The following PHLPP1 variants were observed in gnomAD, a reference collection of about 807,000 sequenced individuals.
PHLPP1 encodes PH domain leucine-rich repeat-containing protein phosphatase 1.
Under a neutral mutation model 117.2 loss-of-function variants are expected in PHLPP1, and 42 were observed. The observed-to-expected ratio is 0.36, with a 90% CI of 0.28 to 0.46. The LOEUF is 0.46. PHLPP1 is among the 20% of genes least tolerant of loss of function. The pLI is 1.00. For synonymous variants in PHLPP1, 1,042 were observed against 970.7 expected, an observed-to-expected ratio of 1.07 and a Z score of -1.37; for missense variants, 2,084 against 2,241.9, an observed-to-expected ratio of 0.93 and a Z score of 1.42.
chr18:62,839,413 T>G (rs1238667952), intron 3 of PHLPP1: 3 of 154,714 alleles, frequency 1.9e-5, no homozygotes, highest in African/African-American at 7.2e-5. Flanking sequence ...CCATGTCCCA[T>G]GAAATAATAT....
intron 2 of PHLPP1, among the ~76,000 whole-genome samples, chr18:62,830,655 T>G (rs950978214): frequency 3.3e-5 from 5 of 152,206 alleles, no homozygotes; most frequent in African/African-American, 9.6e-5. Context: ...ATTCAGTTCC[T>G]GTTGTGGGTG....
At chr18:62,919,938 C>G (rs922477818) in intron 9 of PHLPP1, 21 bp from the exon 10 acceptor site, 1 of 1,551,740 alleles carries the variant, frequency 6.4e-7, no homozygotes, top group Non-Finnish European at 8.7e-7. Context: ...ATTTTTTGGT[C>G]TTTTGTCCCT....
intron 1 of PHLPP1, among the ~76,000 whole-genome samples, chr18:62,762,136 G>A (rs1912264901): frequency 6.6e-6 from 1 of 151,798 alleles, no homozygotes; most frequent in Non-Finnish European, 1.5e-5. Context: ...ATAGAATCCT[G>A]TTTTTGTTCT....
At chr18:62,777,757 CT>C (rs1913004346) in intron 1 of PHLPP1, among the ~76,000 whole-genome samples, 1 of 152,146 alleles carries the variant, frequency 6.6e-6, no homozygotes, top group Non-Finnish European at 1.5e-5. Flanking sequence ...GACTCATCCC[CT>C]TCCCCCAACC....
chr18:62,740,701 G>T (rs1599020787), intron 1 of PHLPP1, among the ~76,000 whole-genome samples: 1 of 152,158 alleles, frequency 6.6e-6, no homozygotes, highest in Non-Finnish European at 1.5e-5. Flanking sequence ...GGCTGGGCAT[G>T]GTGGCTCATG....
At chr18:62,975,822 A>G (rs1911171816) in intron 16 of PHLPP1, among the ~76,000 whole-genome samples, 197 bp downstream of exon 16, 1 of 152,218 alleles carries the variant, frequency 6.6e-6, no homozygotes, top group Non-Finnish European at 1.5e-5. Flanking sequence ...GCCTCTCTGC[A>G]TCAGGCACTG....
intron 1 of PHLPP1, among the ~76,000 whole-genome samples, chr18:62,804,975 A>G (rs1913900198): frequency 6.9e-6 from 1 of 145,412 alleles, no homozygotes; most frequent in South Asian, 2.1e-4. Flanking sequence ...ATACATATAC[A>G]GTATAATATA....
At position 62,715,785 on chromosome 18, in the gene PHLPP1, A is replaced by AGCAGCG; in HGVS notation, c.104_105insAGCGGC (p.Ala39_Ala40dup). Reference sequence around the variant, plus strand: ...CCGCCGCTGCGGCAGCAGCAGCAGCAGCGGCGGCCGCGGCGGCTCTGGCGG... The same window carrying AGCAGCG: ...CCGCCGCTGCGGCAGCAGCAGCAGCAGCAGCGGCGGCGGCCGCGGCGGCTCTGGCGG... On this transcript the variant is annotated inframe_insertion, in exon 1 of 17. Coordinates refer to ENST00000262719, the MANE Select transcript of PHLPP1 (RefSeq NM_194449.4). The AGCAGCG allele has an allele frequency of 2.9e-6, 2 of 693,254 alleles. No individual in the cohort carries two copies. Among genetic ancestry groups the AGCAGCG allele is most frequent in the Non-Finnish European group, 1.8e-6 (1 of 562,886 alleles). 42.9% of individuals were successfully genotyped at this position (693,254 alleles called of 1,614,324 possible).
chr18:62,868,374 C>A (rs969817344), intron 4 of PHLPP1, among the ~76,000 whole-genome samples: 1 of 151,904 alleles, frequency 6.6e-6, no homozygotes, highest in African/African-American at 2.4e-5. Context: ...TTGTATCTTG[C>A]CTGTAACTTT....
At position 62,863,094 on chromosome 18, in the gene PHLPP1, A is replaced by G. The variant is rs1242091377; in HGVS notation, c.2066+2493A>G. ...TGAAAGCAAGTTTATTAAGAAAGTAAAGGAATAAAGAATGGCTTACTCCAT... is the reference window on the plus strand; with the variant it reads ...TGAAAGCAAGTTTATTAAGAAAGTAGAGGAATAAAGAATGGCTTACTCCAT... On this transcript the variant is annotated intron_variant, in intron 4 of 16. Coordinates refer to ENST00000262719, the MANE Select transcript of PHLPP1 (RefSeq NM_194449.4). Among the ~76,000 whole-genome samples, 8 of 152,008 alleles carry G rather than the reference A, an allele frequency of 5.3e-5. 1 individual carries two copies. In the South Asian group the frequency reaches 1.2e-3, roughly 24 times the overall value.
At chr18:62,816,742 G>A (rs1253253469) in intron 1 of PHLPP1, among the ~76,000 whole-genome samples, 2 of 151,942 alleles carry the variant, frequency 1.3e-5, no homozygotes, top group African/African-American at 2.4e-5. Flanking sequence ...TATATTTTTT[G>A]TCTACTTGTA....
chr18:62,815,414 C>T (rs1914245164), intron 1 of PHLPP1, among the ~76,000 whole-genome samples: 1 of 152,144 alleles, frequency 6.6e-6, no homozygotes, highest in Non-Finnish European at 1.5e-5. Flanking sequence ...CCTCAGCCTC[C>T]CAAAAGTGCT....
chr18:62,919,117 C>A (rs934634157), intron 9 of PHLPP1, among the ~76,000 whole-genome samples: 1 of 152,162 alleles, frequency 6.6e-6, no homozygotes, highest in Non-Finnish European at 1.5e-5. Flanking sequence ...TAAATTAATT[C>A]TTGATCTAAA....
intron 1 of PHLPP1, among the ~76,000 whole-genome samples, chr18:62,736,686 C>T (rs1322890853): frequency 1.3e-5 from 2 of 152,166 alleles, no homozygotes; most frequent in Non-Finnish European, 2.9e-5. Context: ...ACTGGTTTTG[C>T]TGAGGCATGA....
At chr18:62,841,902 C>T (rs922689489) in intron 3 of PHLPP1, among the ~76,000 whole-genome samples, 10 of 152,078 alleles carry the variant, frequency 6.6e-5, no homozygotes, top group African/African-American at 1.9e-4. Context: ...ATTAGAGAAG[C>T]TGTGTAGTGT....
chr18:62,931,202 A>ACAACAAC (rs199968520), intron 10 of PHLPP1, among the ~76,000 whole-genome samples: 29 of 108,522 alleles, frequency 2.7e-4, no homozygotes, highest in Middle Eastern at 4.5e-3. Flanking sequence ...ATCTAAAAAA[A>ACAACAAC]AAAAACAACA....
At chr18:62,916,565 C>G (rs1375520136) in intron 9 of PHLPP1, among the ~76,000 whole-genome samples, 3 of 150,862 alleles carry the variant, frequency 2.0e-5, no homozygotes, top group Non-Finnish European at 2.9e-5. Flanking sequence ...ACTGAGCATT[C>G]AAGTGACCCA....
At chr18:62,781,364 C>T (rs1913114651) in intron 1 of PHLPP1, among the ~76,000 whole-genome samples, 1 of 152,170 alleles carries the variant, frequency 6.6e-6, no homozygotes, top group African/African-American at 2.4e-5. Flanking sequence ...CCTAACCTGC[C>T]TACCAGGGCC....
intron 1 of PHLPP1, among the ~76,000 whole-genome samples, chr18:62,819,566 G>A (rs1767527691): frequency 6.6e-6 from 1 of 152,126 alleles, no homozygotes. Flanking sequence ...AATGTAAAAG[G>A]AGTAAATGTT....
Sources: allele counts gnomAD v4.1 joint callset (sites outside exome capture counted in the v4.1 genomes callset), GRCh38; gene constraint gnomAD v4.1.1; transcripts MANE v1.5; gene names NCBI Gene and HGNC (gene_info 2026-07-23, HGNC 2026-07-21).